Variants in SFXN5 observed in about 807,000 individuals in gnomAD.
The protein encoded by SFXN5 is sideroflexin-5.
In SFXN5, 43 loss-of-function variants were observed where a neutral mutation model predicts 50.2. The observed-to-expected ratio is 0.86, with a 90% CI of 0.67 to 1.11. The LOEUF is 1.11. SFXN5 is among the 50% of genes least tolerant of loss of function. The pLI is 0.00. For missense variants in SFXN5, 463 were observed against 454.1 expected (o/e 1.02, Z -0.18); for synonymous variants, 203 against 185.8 (o/e 1.09, Z -0.75).
In SFXN5 at chr2:72,953,199, C is replaced by G. The variant is rs765099301; in HGVS notation, c.945+7932G>C. 6.6e-6 allele frequency among the ~76,000 whole-genome samples: 1 copy of G among 152,140 alleles called. No individual in the cohort carries two copies. The highest frequency in any genetic ancestry group is 6.5e-5 in the Admixed American group (1 of 15,286). ...CTGGGCTCTGAGCGGCTTTGCCATT[C>G]CCATCCATCCCTCCTGGGGGGTCCT... On this transcript the variant is annotated intron_variant, in intron 13 of 13. Transcript: ENST00000272433. The surrounding 1 kb of genome is among the most constrained non-coding windows in gnomAD (Gnocchi z 4.1).
Position 73,000,570 on chromosome 2 carries a change from C to T in SFXN5, c.412-83G>A. 6 of 1,339,024 alleles carry T rather than the reference C, an allele frequency of 4.5e-6. No homozygotes were observed. The South Asian group carries it at 7.7e-5, about 17-fold the overall frequency. The allele number at this position is 1,339,024 out of a possible 1,614,324, so 82.9% of individuals were successfully genotyped here. ...GCCTGGACCCCAGGAGGCCACACAT[C>T]CCCAGAAAGGCACAGCATGCGGTCT... is the stretch of plus-strand genomic sequence containing the variant. On this transcript the variant is annotated intron_variant, in intron 7 of 13. Coordinates refer to ENST00000272433, the MANE Select transcript of SFXN5 (RefSeq NM_144579.3).
chr2:73,028,529 G>C (rs1473975766), intron 3 of SFXN5, among the ~76,000 whole-genome samples: 1 of 152,200 alleles, frequency 6.6e-6, no homozygotes, highest in African/African-American at 2.4e-5. Context: ...CTAAGGAAGA[G>C]AAACATTAAA....
chr2:73,028,891 C>A (rs1468552885), intron 3 of SFXN5, among the ~76,000 whole-genome samples: 2 of 152,096 alleles, frequency 1.3e-5, no homozygotes, highest in East Asian at 3.9e-4. Flanking sequence ...GGGGACAAAC[C>A]CTGGCTCTGT....
At position 72,992,245 on chromosome 2, in the gene SFXN5, A is replaced by G. The variant is rs1672689350; in HGVS notation, c.535-3897T>C. 6.6e-6 allele frequency among the ~76,000 whole-genome samples: 1 copy of G among 152,210 alleles called. No homozygotes were observed. Among genetic ancestry groups the G allele is most frequent in the East Asian group, 1.9e-4 (1 of 5,198 alleles). On this transcript the variant is annotated intron_variant, in intron 9 of 13. Transcript: ENST00000272433. The surrounding 1 kb of genome is among the most constrained non-coding windows in gnomAD (Gnocchi z 4.5). ...CCCCACGGAGATGGGAACAGGGCTG[A>G]CCAGCACCAGGAGCTATGGGTGGGG...
At chr2:72,988,913 T>A (rs1672240329) in intron 9 of SFXN5, among the ~76,000 whole-genome samples, 1 of 152,140 alleles carries the variant, frequency 6.6e-6, no homozygotes, top group South Asian at 2.1e-4. Context: ...TGTCCTGGAC[T>A]CACTGTCATC....
intron 8 of SFXN5, 51 bp downstream of exon 8, chr2:73,000,380 G>C: frequency 6.6e-7 from 1 of 1,520,674 alleles, no homozygotes; most frequent in Non-Finnish European, 8.9e-7. Flanking sequence ...GAGGATGACT[G>C]GGCCTCCCTA....
chr2:73,069,201 G>A (rs1347730171), intron 1 of SFXN5, among the ~76,000 whole-genome samples: 3 of 152,132 alleles, frequency 2.0e-5, no homozygotes, highest in Admixed American at 1.3e-4. Flanking sequence ...TGCACTGTTG[G>A]GACTCTGACT....
At chr2:73,011,785 C>T in intron 6 of SFXN5, among the ~76,000 whole-genome samples, 1 of 152,164 alleles carries the variant, frequency 6.6e-6, no homozygotes, top group Non-Finnish European at 1.5e-5. Context: ...GTTACAAAAG[C>T]ATGGAGAAAT....
chr2:73,018,897 T>G (rs942287974), intron 6 of SFXN5, among the ~76,000 whole-genome samples: 7 of 152,210 alleles, frequency 4.6e-5, no homozygotes, highest in African/African-American at 1.4e-4. Flanking sequence ...TTGCATTTAT[T>G]ATAGTTGTTA....
At chr2:72,948,379 A>T (rs1672178573) in intron 13 of SFXN5, among the ~76,000 whole-genome samples, 1 of 152,272 alleles carries the variant, frequency 6.6e-6, no homozygotes, top group Non-Finnish European at 1.5e-5. Context: ...TTTAAATATA[A>T]TCAGTAAATG....
At position 72,960,817 on chromosome 2, in the gene SFXN5, C is replaced by G. The variant is rs1002199071; in HGVS notation, c.945+314G>C. The stretch of plus-strand genomic sequence containing the variant: ...CCGCCACCCCTTTTCATCTGGCCAA[C>G]TCCAGCCACGCTCCCAGTCCCAGTG... On this transcript the variant is annotated intron_variant, in intron 13 of 13. Transcript: ENST00000272433. The surrounding 1 kb of genome is among the most constrained non-coding windows in gnomAD (Gnocchi z 6.1). 6.6e-5 allele frequency among the ~76,000 whole-genome samples: 10 copies of G among 152,180 alleles called. No homozygotes were observed. Among genetic ancestry groups the G allele is most frequent in the Non-Finnish European group, 1.5e-5 (1 of 68,036 alleles).
chr2:73,009,699 G>A (rs1250829746), intron 6 of SFXN5, among the ~76,000 whole-genome samples: 1 of 152,208 alleles, frequency 6.6e-6, no homozygotes, highest in Non-Finnish European at 1.5e-5. Context: ...GCTTGCTCCA[G>A]GCTGGGAAAG....
chr2:72,964,303 T>G (rs1174061702), intron 12 of SFXN5, among the ~76,000 whole-genome samples: 1 of 152,216 alleles, frequency 6.6e-6, no homozygotes, highest in Non-Finnish European at 1.5e-5. Flanking sequence ...TCCCCAAGGG[T>G]GGGGGCTGCC....
chr2:73,038,924 G>A (rs762524967), intron 3 of SFXN5, among the ~76,000 whole-genome samples: 2 of 152,098 alleles, frequency 1.3e-5, no homozygotes, highest in Non-Finnish European at 2.9e-5. Flanking sequence ...GAATTTTTCA[G>A]TTCCATTATC....
intron 1 of SFXN5, chr2:73,070,330 G>A (rs79165656): frequency 0.022 from 3,299 of 152,182 alleles, 51 homozygotes; most frequent in Non-Finnish European, 0.033. Context: ...GAAACACTGG[G>A]GACATTTTTT....
At chr2:73,056,522 C>T (rs1234376226) in intron 2 of SFXN5, among the ~76,000 whole-genome samples, 1 of 151,480 alleles carries the variant, frequency 6.6e-6, no homozygotes, top group Non-Finnish European at 1.5e-5. Flanking sequence ...CCCATCTCTA[C>T]TAAAAATACA....
At position 72,943,338 on chromosome 2, in the gene SFXN5, A is replaced by T. The variant is rs1274801982; in HGVS notation, c.*1684T>A. 6.6e-6 allele frequency: 1 copy of T among 152,296 alleles called. No homozygotes were observed. Among genetic ancestry groups the T allele is most frequent in the Non-Finnish European group, 1.5e-5 (1 of 68,130 alleles). 9.4% of individuals were successfully genotyped at this position (152,296 alleles called of 1,614,324 possible). A position where few individuals can be genotyped will look rare whatever the true frequency, so the allele number is the denominator to read the frequency against. On this transcript the variant is annotated 3_prime_UTR_variant, in exon 14 of 14. Coordinates refer to ENST00000272433, the MANE Select transcript of SFXN5 (RefSeq NM_144579.3). ...CACATGAATGTTCACCTCTGGCCTA[A>T]GTCTCCCCTGAGGTGGAGACCCCGG...
intron 9 of SFXN5, among the ~76,000 whole-genome samples, chr2:72,989,661 C>T (rs1357455221): frequency 6.6e-6 from 1 of 151,974 alleles, no homozygotes; most frequent in Non-Finnish European, 1.5e-5. Context: ...AAGGCAAAGG[C>T]TGGGAGTGGG....
At chr2:73,009,806 A>T (rs1173569851) in intron 6 of SFXN5, among the ~76,000 whole-genome samples, 23 of 152,184 alleles carry the variant, frequency 1.5e-4, no homozygotes, top group Non-Finnish European at 1.3e-4. Context: ...ACCTGCCTAC[A>T]GGGCCATAGT....
Sources: gnomAD v4.1 joint callset for allele counts (sites outside exome capture counted in the v4.1 genomes callset) on GRCh38, gnomAD v4.1.1 for gene constraint, Gnocchi (gnomAD v3.1) non-coding constraint, MANE v1.5 for transcripts, NCBI Gene and HGNC (gene_info 2026-07-23, HGNC 2026-07-21) for gene names.